ANOS1: variants seen among roughly 807,000 people sequenced by gnomAD.
ANOS1 encodes the protein anosmin 1, also known as anosmin-1.
ANOS1 carries 6 observed loss-of-function variants against 59.0 expected under a neutral mutation model. The ratio of observed to expected loss-of-function variants is 0.10; its 90% CI spans 0.06 to 0.20. The LOEUF (loss-of-function observed/expected upper bound fraction) is 0.20. Among genes scored for constraint, ANOS1 ranks in the 10% least tolerant of loss-of-function variants. The pLI is 1.00. For missense variants in ANOS1, 433 were observed against 542.3 expected, an observed-to-expected ratio of 0.80 and a Z score of 2.00; for synonymous variants, 217 against 223.4, an observed-to-expected ratio of 0.97 and a Z score of 0.25.
At chrX:8,665,285 G>T (rs1319956583) in intron 2 of ANOS1, among the ~76,000 whole-genome samples, 1 of 112,250 alleles carries the variant, frequency 8.9e-6, no homozygotes, top group Non-Finnish European at 1.9e-5. Flanking sequence ...AGAAGATAAA[G>T]CTCTGCCTTA....
intron 3 of ANOS1, among the ~76,000 whole-genome samples, chrX:8,614,661 A>T (rs751682969): frequency 2.4e-4 from 27 of 110,642 alleles, no homozygotes; most frequent in South Asian, 1.5e-3. Context: ...TTCAAAAAAA[A>T]TTTTTTTACT....
intron 2 of ANOS1, among the ~76,000 whole-genome samples, chrX:8,676,310 C>T (rs934837172): frequency 8.9e-6 from 1 of 111,946 alleles, no homozygotes; most frequent in Admixed American, 9.5e-5. Context: ...TAATGTGCAA[C>T]TACTTAAGCA....
At chrX:8,726,548 T>G (rs1407639721) in intron 1 of ANOS1, among the ~76,000 whole-genome samples, 1 of 112,185 alleles carries the variant, frequency 8.9e-6, no homozygotes, top group Non-Finnish European at 1.9e-5. Flanking sequence ...CACGGACTAC[T>G]ACTTTTCCTC....
chrX:8,646,591 C>A (rs951913877), intron 2 of ANOS1, among the ~76,000 whole-genome samples: 1 of 110,631 alleles, frequency 9.0e-6, no homozygotes, highest in African/African-American at 3.3e-5. Context: ...GGCTAATCCC[C>A]TTCCCTGCCA....
chrX:8,594,704 ATATATACACATATATATATC>A (rs1930696520), intron 4 of ANOS1, among the ~76,000 whole-genome samples: 1 of 72,285 alleles, frequency 1.4e-5, no homozygotes, highest in Non-Finnish European at 2.6e-5. Flanking sequence ...ATATACACAT[ATATATACACATATATATATC>A]TACATATATA....
At chrX:8,724,901 G>C (rs956421535) in intron 1 of ANOS1, among the ~76,000 whole-genome samples, 1 of 111,698 alleles carries the variant, frequency 9.0e-6, no homozygotes, top group Non-Finnish European at 1.9e-5. Context: ...GGCTATCTTT[G>C]ATTAATGTAA....
intron 4 of ANOS1, among the ~76,000 whole-genome samples, chrX:8,589,208 A>G (rs1569056793): frequency 8.9e-6 from 1 of 112,234 alleles, no homozygotes; most frequent in Non-Finnish European, 1.9e-5. Flanking sequence ...GCATATTTAT[A>G]TATGGTCAAA....
chrX:8,623,522 T>G, intron 3 of ANOS1, 86 bp downstream of exon 3: 1 of 670,324 alleles, frequency 1.5e-6, no homozygotes, highest in Non-Finnish European at 2.4e-6. Context: ...TGCAGAAGAA[T>G]AAGAAGGCCC....
At chrX:8,723,627 C>T (rs1224001660) in intron 1 of ANOS1, among the ~76,000 whole-genome samples, 1 of 112,344 alleles carries the variant, frequency 8.9e-6, no homozygotes, top group African/African-American at 3.2e-5. Flanking sequence ...ATAAGTATAA[C>T]TATTTTTATC....
intron 2 of ANOS1, among the ~76,000 whole-genome samples, chrX:8,695,884 G>A (rs759074334): frequency 5.9e-4 from 65 of 111,076 alleles, no homozygotes; most frequent in African/African-American, 2.0e-3. Context: ...GGATTTACTG[G>A]TACTTATTAG....
At chrX:8,537,667 C>T (rs1179147909) in intron 10 of ANOS1, among the ~76,000 whole-genome samples, 1 of 110,457 alleles carries the variant, frequency 9.1e-6, no homozygotes, top group Non-Finnish European at 1.9e-5. Flanking sequence ...CCTAGCTACT[C>T]GAGAGGCTGA....
At position 8,657,467 on chromosome X, in the gene ANOS1, C is replaced by CTTT. The variant is rs1324799667; in HGVS notation, c.256-33800_256-33798dup. ...TTGGCAATTTGGAGGACTGTGCTTG[C>CTTT]TTTTTTTTTTTTTTTTTTTTTTACG... On this transcript the variant is annotated intron_variant, in intron 2 of 13. Coordinates refer to ENST00000262648, the MANE Select transcript of ANOS1 (RefSeq NM_000216.4). 1.2e-3 allele frequency among the ~76,000 whole-genome samples: 103 copies of CTTT among 83,917 alleles called. 3 individuals carry two copies. The highest frequency in any genetic ancestry group is 4.1e-3 in the African/African-American group (91 of 21,998). 72.9% of individuals were successfully genotyped at this position (83,917 alleles called of 115,157 possible).
chrX:8,595,126 T>C (rs1930710509), intron 4 of ANOS1, among the ~76,000 whole-genome samples: 1 of 110,974 alleles, frequency 9.0e-6, no homozygotes, highest in African/African-American at 3.3e-5. Context: ...TTATATTATC[T>C]CTTTAAAACA....
chrX:8,538,011 G>T (rs1313448134), intron 10 of ANOS1, among the ~76,000 whole-genome samples: 5 of 111,055 alleles, frequency 4.5e-5, no homozygotes, highest in Admixed American at 9.6e-5. Flanking sequence ...GTGACCTCCA[G>T]GTGTGCTGGC....
intron 1 of ANOS1, among the ~76,000 whole-genome samples, chrX:8,701,110 T>C (rs946006694): frequency 2.6e-4 from 29 of 111,600 alleles, no homozygotes; most frequent in Non-Finnish European, 4.9e-4. Flanking sequence ...TTTTTTTTTT[T>C]CTCTGGTTGG....
At chrX:8,662,220 T>G (rs776020215) in intron 2 of ANOS1, among the ~76,000 whole-genome samples, 10 of 111,737 alleles carry the variant, frequency 8.9e-5, no homozygotes, top group African/African-American at 3.3e-4. Context: ...GTGGATATTT[T>G]AGGCAGGGAT....
chrX:8,644,248 C>T (rs1028152264), intron 2 of ANOS1, among the ~76,000 whole-genome samples: 2 of 111,562 alleles, frequency 1.8e-5, no homozygotes, highest in African/African-American at 6.5e-5. Flanking sequence ...AGCCTCCACT[C>T]AATGGACCCC....
At chrX:8,663,110 T>A (rs1051277683) in intron 2 of ANOS1, among the ~76,000 whole-genome samples, 2 of 111,626 alleles carry the variant, frequency 1.8e-5, no homozygotes, top group African/African-American at 6.5e-5. Flanking sequence ...CTGGAACTCA[T>A]CCCTCCCTCA....
intron 2 of ANOS1, among the ~76,000 whole-genome samples, chrX:8,667,406 C>G (rs1331195030): frequency 1.8e-5 from 2 of 111,229 alleles, no homozygotes; most frequent in East Asian, 2.8e-4. Context: ...AGCAACCCTC[C>G]TGCTTCAGCC....
Sources: allele counts gnomAD v4.1 joint callset (sites outside exome capture counted in the v4.1 genomes callset), GRCh38; gene constraint gnomAD v4.1.1; transcripts MANE v1.5; gene names NCBI Gene and HGNC (gene_info 2026-07-23, HGNC 2026-07-21).